ZNF804B: variants seen among roughly 807,000 people sequenced by gnomAD.
ZNF804B encodes the protein zinc finger protein 804B.
Under a neutral mutation model 101.4 loss-of-function variants are expected in ZNF804B, and 80 were observed. The ratio of observed to expected loss-of-function variants is 0.79; its 90% CI spans 0.66 to 0.95. ZNF804B has a LOEUF of 0.95. ZNF804B is among the 40% of genes least tolerant of loss of function. ZNF804B has a pLI of 0.00. For missense variants in ZNF804B, 1,673 were observed against 1,561.9 expected (o/e 1.07, Z -1.20); for synonymous variants, 622 against 558.8 (o/e 1.11, Z -1.59).
intron 1 of ZNF804B, chr7:88,794,001 A>G: frequency 2.2e-6 from 1 of 464,220 alleles, no homozygotes; most frequent in Non-Finnish European, 3.7e-6. Context: ...ACTTAATACC[A>G]CAACAAATAG....
At chr7:88,969,683 T>C (rs1306835650) in intron 1 of ZNF804B, among the ~76,000 whole-genome samples, 1 of 151,650 alleles carries the variant, frequency 6.6e-6, no homozygotes, top group Non-Finnish European at 1.5e-5. Flanking sequence ...TTTTCACAGC[T>C]GGTACTTTGC....
At chr7:89,332,443 A>G (rs1462895074) in intron 3 of ZNF804B, among the ~76,000 whole-genome samples, 1 of 127,492 alleles carries the variant, frequency 7.8e-6, no homozygotes, top group African/African-American at 3.8e-5. Flanking sequence ...ACATCCAAGT[A>G]TATGGAACAA....
intron 1 of ZNF804B, among the ~76,000 whole-genome samples, chr7:88,900,347 A>C (rs957011476): frequency 2.0e-5 from 3 of 151,898 alleles, no homozygotes; most frequent in Admixed American, 6.6e-5. Flanking sequence ...GAATGAATAA[A>C]ACTATGGATA....
intron 1 of ZNF804B, among the ~76,000 whole-genome samples, chr7:88,959,181 T>A (rs539728880): frequency 6.6e-6 from 1 of 151,588 alleles, no homozygotes; most frequent in Admixed American, 6.6e-5. Flanking sequence ...TGTTTCTTTC[T>A]TGTTATGTAG....
intron 1 of ZNF804B, among the ~76,000 whole-genome samples, chr7:89,111,166 A>G (rs946216789): frequency 1.3e-5 from 2 of 152,232 alleles, no homozygotes; most frequent in Non-Finnish European, 2.9e-5. Context: ...TTTGACAATT[A>G]TGAATAAAGC....
chr7:89,303,763 T>C (rs1790519219), intron 2 of ZNF804B, among the ~76,000 whole-genome samples: 1 of 151,972 alleles, frequency 6.6e-6, no homozygotes, highest in Non-Finnish European at 1.5e-5. Context: ...ATTTTACTTT[T>C]TTCCTGGCTT....
At chr7:89,169,441 C>G (rs1369773872) in intron 1 of ZNF804B, among the ~76,000 whole-genome samples, 1 of 152,142 alleles carries the variant, frequency 6.6e-6, no homozygotes, top group Non-Finnish European at 1.5e-5. Context: ...AGTGAGCCCT[C>G]TTTACTACCT....
chr7:88,824,856 G>A (rs1222421124), intron 1 of ZNF804B, among the ~76,000 whole-genome samples: 1 of 152,162 alleles, frequency 6.6e-6, no homozygotes, highest in East Asian at 1.9e-4. Context: ...CTTACAATCA[G>A]TAGTAATGAT....
chr7:89,122,633 A>G, intron 1 of ZNF804B, among the ~76,000 whole-genome samples: 1 of 152,134 alleles, frequency 6.6e-6, no homozygotes, highest in East Asian at 1.9e-4. Flanking sequence ...ATTCTTGTAG[A>G]CAACTGGTGC....
intron 1 of ZNF804B, among the ~76,000 whole-genome samples, chr7:89,204,002 C>T (rs1017558796): frequency 5.3e-5 from 8 of 152,098 alleles, no homozygotes; most frequent in African/African-American, 1.7e-4. Flanking sequence ...AATCAATTCC[C>T]AAGGAAAGGT....
intron 2 of ZNF804B, among the ~76,000 whole-genome samples, chr7:89,288,678 CA>C (rs1423967160): frequency 2.0e-5 from 3 of 152,054 alleles, no homozygotes; most frequent in Non-Finnish European, 4.4e-5. Flanking sequence ...AAAATAATTA[CA>C]TTTCAAGAAA....
chr7:89,070,484 T>C (rs1283535588), intron 1 of ZNF804B, among the ~76,000 whole-genome samples: 2 of 152,162 alleles, frequency 1.3e-5, no homozygotes, highest in African/African-American at 4.8e-5. Flanking sequence ...AGGTGAGTGT[T>C]AGAATCAGGC....
Position 89,210,330 on chromosome 7 carries a change from T to C in ZNF804B, c.109-7825T>C, listed in dbSNP as rs76504717. ...ATTATGCAAAGAAAATTAAATTTGC[T>C]AGCTTTATTTTTATTTTTATTTTAC... On this transcript the variant is annotated intron_variant, in intron 1 of 3. Coordinates refer to ENST00000333190, the MANE Select transcript of ZNF804B (RefSeq NM_181646.5). Among the ~76,000 whole-genome samples the C allele has an allele frequency of 7.5e-3, 1,141 of 152,198 alleles. 16 individuals carry two copies. Among genetic ancestry groups the C allele is most frequent in the African/African-American group, 0.026 (1,072 of 41,530 alleles).
chr7:89,215,460 A>G (rs1050804556), intron 1 of ZNF804B, among the ~76,000 whole-genome samples: 1 of 152,094 alleles, frequency 6.6e-6, no homozygotes, highest in Admixed American at 6.6e-5. Flanking sequence ...CCTCAAATCT[A>G]TCCTGAATTT....
intron 1 of ZNF804B, among the ~76,000 whole-genome samples, chr7:88,985,969 G>A (rs960740496): frequency 2.0e-5 from 3 of 152,130 alleles, no homozygotes; most frequent in African/African-American, 4.8e-5. Context: ...AAAATGATTC[G>A]TCACATGCCT....
intron 1 of ZNF804B, among the ~76,000 whole-genome samples, chr7:88,852,623 A>G (rs1791464705): frequency 6.6e-6 from 1 of 152,118 alleles, no homozygotes; most frequent in African/African-American, 2.4e-5. Flanking sequence ...ACATCTGATA[A>G]CAATGGCTAA....
At chr7:88,781,138 G>T (rs73198631) in intron 1 of ZNF804B, among the ~76,000 whole-genome samples, 25,171 of 152,058 alleles carry the variant, frequency 0.17, 2,181 homozygotes, top group African/African-American at 0.22. Flanking sequence ...AAATTCCTTC[G>T]TATGTATATT....
intron 1 of ZNF804B, among the ~76,000 whole-genome samples, chr7:88,884,249 C>A (rs1583996527): frequency 6.6e-6 from 1 of 151,238 alleles, no homozygotes; most frequent in Non-Finnish European, 1.5e-5. Flanking sequence ...AATTTATAGG[C>A]TTTACATAAG....
chr7:88,951,582 T>C (rs1793224392), intron 1 of ZNF804B, among the ~76,000 whole-genome samples: 1 of 151,950 alleles, frequency 6.6e-6, no homozygotes. Context: ...TAAGATGTAC[T>C]TACTTTCTGT....
Sources: gnomAD v4.1 joint callset for allele counts (sites outside exome capture counted in the v4.1 genomes callset) on GRCh38, gnomAD v4.1.1 for gene constraint, MANE v1.5 for transcripts, NCBI Gene and HGNC (gene_info 2026-07-23, HGNC 2026-07-21) for gene names.